ADGRL3: variants seen among roughly 807,000 people sequenced by gnomAD.
ADGRL3 encodes adhesion G protein-coupled receptor L3.
Under a neutral mutation model 153.5 loss-of-function variants are expected in ADGRL3, and 62 were observed. The observed-to-expected ratio is 0.40, with a 90% confidence interval of 0.33 to 0.50. The LOEUF (loss-of-function observed/expected upper bound fraction) is 0.50, where lower values mean the gene tolerates loss of function less well. Ranked by LOEUF, ADGRL3 falls within the 20% of genes least tolerant of loss-of-function variation. The probability of loss-of-function intolerance (pLI) is 0.47; values close to 1 mark genes in which losing one functional copy is unlikely to be tolerated. For synonymous variants in ADGRL3, 710 were observed against 672.5 expected (o/e 1.06, Z -0.86); for missense variants, 1,641 against 1,859.4 (o/e 0.88, Z 2.16).
intron 9 of ADGRL3, among the ~76,000 whole-genome samples, chr4:61,871,324 G>A (rs998708674): frequency 1.3e-5 from 2 of 151,656 alleles, no homozygotes; most frequent in African/African-American, 4.8e-5. Context: ...CAGAATGTTA[G>A]TTATAATAGA....
chr4:61,843,107 TG>T (rs2098058444), intron 9 of ADGRL3, among the ~76,000 whole-genome samples: 1 of 152,156 alleles, frequency 6.6e-6, no homozygotes, highest in Non-Finnish European at 1.5e-5. Context: ...GGGTCTTTGT[TG>T]GAAAGGTATG....
intron 2 of ADGRL3, among the ~76,000 whole-genome samples, chr4:61,491,977 T>C (rs1040652124): frequency 2.1e-4 from 32 of 151,986 alleles, no homozygotes; most frequent in Admixed American, 3.3e-4. Flanking sequence ...CTAAAGTAAG[T>C]TGTAAGGTCA....
At chr4:61,804,400 A>G (rs2097531741) in intron 8 of ADGRL3, among the ~76,000 whole-genome samples, 1 of 152,178 alleles carries the variant, frequency 6.6e-6, no homozygotes, top group Non-Finnish European at 1.5e-5. Flanking sequence ...TGAACTAATT[A>G]TAAGGAAAAT....
At chr4:61,300,926 G>A (rs1458315614) in intron 1 of ADGRL3, among the ~76,000 whole-genome samples, 2 of 151,806 alleles carry the variant, frequency 1.3e-5, no homozygotes, top group Non-Finnish European at 2.9e-5. Flanking sequence ...CACCACGCCC[G>A]GCTAATTTTT....
At chr4:62,067,169 AC>A (rs1218155331) in intron 25 of ADGRL3, among the ~76,000 whole-genome samples, 2 of 152,084 alleles carry the variant, frequency 1.3e-5, no homozygotes, top group Non-Finnish European at 2.9e-5. Flanking sequence ...AAGCAAATCA[AC>A]CTTTAAAGAA....
intron 1 of ADGRL3, among the ~76,000 whole-genome samples, chr4:61,248,442 A>C (rs1223283562): frequency 6.6e-6 from 1 of 152,162 alleles, no homozygotes; most frequent in African/African-American, 2.4e-5. Flanking sequence ...GGTGTTTTAA[A>C]GAACAAATTT....
chr4:61,744,654 C>T (rs1375333350), intron 8 of ADGRL3, among the ~76,000 whole-genome samples: 1 of 152,166 alleles, frequency 6.6e-6, no homozygotes, highest in Non-Finnish European at 1.5e-5. Context: ...AGCTGAGGGT[C>T]CTATCTGTTA....
intron 2 of ADGRL3, among the ~76,000 whole-genome samples, chr4:61,481,398 C>A (rs539339011): frequency 6.6e-6 from 1 of 152,010 alleles, no homozygotes. Flanking sequence ...CAAAATTATT[C>A]GACTCTAAAA....
At chr4:61,304,119 A>G (rs893429503) in intron 1 of ADGRL3, among the ~76,000 whole-genome samples, 1 of 152,188 alleles carries the variant, frequency 6.6e-6, no homozygotes, top group Non-Finnish European at 1.5e-5. Flanking sequence ...GCAGCTGCTG[A>G]TAATTGTAGA....
At chr4:61,229,255 T>A (rs1749433345) in intron 1 of ADGRL3, among the ~76,000 whole-genome samples, 1 of 152,248 alleles carries the variant, frequency 6.6e-6, no homozygotes, top group African/African-American at 2.4e-5. Context: ...TGTGCTTACC[T>A]AAGCCTTATT....
intron 13 of ADGRL3, among the ~76,000 whole-genome samples, chr4:61,928,701 T>C (rs925454695): frequency 1.3e-5 from 2 of 152,206 alleles, no homozygotes; most frequent in Admixed American, 1.3e-4. Context: ...TTTCTTCTTC[T>C]GAACTCTGTC....
intron 5 of ADGRL3, among the ~76,000 whole-genome samples, chr4:61,599,444 C>T (rs901829491): frequency 1.3e-4 from 20 of 152,152 alleles, no homozygotes; most frequent in South Asian, 6.2e-4. Context: ...GAGATTCTCC[C>T]GCCTCAGCCT....
intron 1 of ADGRL3, among the ~76,000 whole-genome samples, chr4:61,377,880 G>T (rs1033889982): frequency 1.3e-5 from 2 of 151,774 alleles, no homozygotes; most frequent in Non-Finnish European, 2.9e-5. Flanking sequence ...CATAAATTTT[G>T]CTATGGTGTG....
chr4:61,543,344 G>A (rs1404117281), intron 4 of ADGRL3, among the ~76,000 whole-genome samples: 1 of 152,094 alleles, frequency 6.6e-6, no homozygotes, highest in African/African-American at 2.4e-5. Flanking sequence ...AAAGGGGAGA[G>A]TGAGAAGAAG....
chr4:61,370,555 A>G (rs1246119877), intron 1 of ADGRL3, among the ~76,000 whole-genome samples: 30 of 152,262 alleles, frequency 2.0e-4, no homozygotes, highest in African/African-American at 5.3e-4. Context: ...TGAGGTTCTT[A>G]ATCCTGAGTT....
intron 5 of ADGRL3, among the ~76,000 whole-genome samples, chr4:61,598,902 G>A (rs2098999980): frequency 6.6e-6 from 1 of 152,134 alleles, no homozygotes; most frequent in Admixed American, 6.5e-5. Context: ...TGATGACAGA[G>A]CTGATGCTCC....
intron 5 of ADGRL3, among the ~76,000 whole-genome samples, chr4:61,611,019 C>G (rs1020620023): frequency 1.3e-5 from 2 of 152,010 alleles, no homozygotes; most frequent in South Asian, 4.2e-4. Flanking sequence ...TATGTAGGAC[C>G]ATTCTGTGTT....
chr4:61,980,201 G>A (rs563969977), intron 18 of ADGRL3, among the ~76,000 whole-genome samples: 1 of 151,504 alleles, frequency 6.6e-6, no homozygotes, highest in Non-Finnish European at 1.5e-5. Flanking sequence ...TCACTCTAGG[G>A]ATTGTACATT....
At chr4:61,778,296 C>A (rs568751145) in intron 8 of ADGRL3, among the ~76,000 whole-genome samples, 1 of 152,238 alleles carries the variant, frequency 6.6e-6, no homozygotes, top group East Asian at 1.9e-4. Context: ...GCTTCTGGTC[C>A]CACACATTTC....
Sources: gnomAD v4.1 joint callset for allele counts (sites outside exome capture counted in the v4.1 genomes callset) on GRCh38, gnomAD v4.1.1 for gene constraint, MANE v1.5 for transcripts, NCBI Gene and HGNC (gene_info 2026-07-23, HGNC 2026-07-21) for gene names.